Variants in VPS35L observed in about 807,000 individuals in gnomAD.
The protein encoded by VPS35L is VPS35 endosomal protein sorting factor like, also known as VPS35 endosomal protein-sorting factor-like.
Under a neutral mutation model 133.0 loss-of-function variants are expected in VPS35L, and 83 were observed. The ratio of observed to expected loss-of-function variants is 0.62; its 90% CI spans 0.52 to 0.75. The LOEUF is 0.75. Ranked by LOEUF, VPS35L falls within the 30% of genes least tolerant of loss-of-function variation. VPS35L has a pLI of 0.00. For missense variants in VPS35L, 1,083 were observed against 1,206.8 expected (o/e 0.90, Z 1.52); for synonymous variants, 423 against 449.9 (o/e 0.94, Z 0.76).
intron 9 of VPS35L, among the ~76,000 whole-genome samples, chr16:19,602,226 ATT>A (rs1342573320): frequency 1.3e-5 from 2 of 152,188 alleles, no homozygotes; most frequent in East Asian, 3.9e-4. Flanking sequence ...TGGATGATGA[ATT>A]TCTTTTGTCG....
intron 14 of VPS35L, 183 bp downstream of exon 14, chr16:19,616,991 C>T: frequency 1.2e-6 from 1 of 850,776 alleles, no homozygotes; most frequent in Non-Finnish European, 1.9e-6. Flanking sequence ...CTGAGATAGT[C>T]TCATTTTGAC....
At chr16:19,617,106 A>G in intron 14 of VPS35L, 1 of 587,858 alleles carries the variant, frequency 1.7e-6, no homozygotes, top group Non-Finnish European at 3.0e-6. Flanking sequence ...CTGTAATCCC[A>G]GCACTTTGCA....
chr16:19,642,271 C>T, intron 21 of VPS35L, 125 bp from the exon 22 acceptor site: 1 of 721,844 alleles, frequency 1.4e-6, no homozygotes, highest in Non-Finnish European at 2.3e-6. Context: ...GTAAACTGGG[C>T]TGGGTGAAAT....
chr16:19,611,099 A>G (rs958164055), intron 12 of VPS35L, among the ~76,000 whole-genome samples: 2 of 152,170 alleles, frequency 1.3e-5, no homozygotes, highest in Non-Finnish European at 2.9e-5. Context: ...GCCTGGGTTC[A>G]AATGATTCTC....
At chr16:19,571,847 CTT>C (rs35851684) in intron 3 of VPS35L, among the ~76,000 whole-genome samples, 14 of 144,474 alleles carry the variant, frequency 9.7e-5, no homozygotes, top group South Asian at 2.2e-4. Flanking sequence ...GCCCAGCCAA[CTT>C]TTTTTTTTTT....
At chr16:19,590,778 G>GTTAT (rs1972019682) in intron 7 of VPS35L, among the ~76,000 whole-genome samples, 2 of 151,824 alleles carry the variant, frequency 1.3e-5, no homozygotes, top group Non-Finnish European at 2.9e-5. Context: ...GTGAGAACCT[G>GTTAT]CCTCTACATA....
intron 3 of VPS35L, among the ~76,000 whole-genome samples, chr16:19,570,866 TATATATATATATATATATATATA>T (rs1567388574): frequency 1.2e-4 from 11 of 88,076 alleles, no homozygotes; most frequent in African/African-American, 2.9e-4. Context: ...TATATATATA[TATATATATATATATATATATATA>T]TTTTTGAGAT....
chr16:19,690,690 C>A (rs931551992), intron 28 of VPS35L, among the ~76,000 whole-genome samples: 2 of 152,182 alleles, frequency 1.3e-5, no homozygotes, highest in African/African-American at 4.8e-5. Context: ...GTGGCTCACA[C>A]CTGTAATCCC....
At position 19,594,644 on chromosome 16, in the gene VPS35L, CAAAAAAAAAAAAAA is replaced by C. The variant is rs57187565; in HGVS notation, c.724+2784_724+2797del. Among the ~76,000 whole-genome samples the C allele has an allele frequency of 2.7e-3, 86 of 31,496 alleles. 1 individual carries two copies. The highest frequency in any genetic ancestry group is 6.4e-3 in the South Asian group (3 of 466). The allele number at this position is 31,496 out of a possible 152,430, so 20.7% of individuals were successfully genotyped here. A position where few individuals can be genotyped will look rare whatever the true frequency, so the allele number is the denominator to read the frequency against. ...GTGCCACAGAGCTGAGATTTCGTCT[CAAAAAAAAAAAAAA>C]AAAAAAAAAAAAAGAAGAGAAAAAA... On this transcript the variant is annotated intron_variant, in intron 8 of 30. Coordinates refer to ENST00000417362, the MANE Select transcript of VPS35L (RefSeq NM_020314.7).
intron 1 of VPS35L, among the ~76,000 whole-genome samples, chr16:19,557,566 A>G (rs543290557): frequency 1.3e-5 from 2 of 152,080 alleles, no homozygotes; most frequent in East Asian, 3.9e-4. Flanking sequence ...TATTTTTAGT[A>G]GAGACGGTGT....
At chr16:19,624,646 A>C (rs1211029879) in intron 14 of VPS35L, among the ~76,000 whole-genome samples, 1 of 151,870 alleles carries the variant, frequency 6.6e-6, no homozygotes, top group African/African-American at 2.4e-5. Flanking sequence ...GGATCTCACT[A>C]TATTGCCCAG....
intron 21 of VPS35L, among the ~76,000 whole-genome samples, chr16:19,641,152 C>T (rs1448190322): frequency 6.6e-6 from 1 of 152,116 alleles, no homozygotes; most frequent in East Asian, 1.9e-4. Context: ...GCAGCCTTCA[C>T]CTCCTGGGTT....
At chr16:19,588,158 A>AGTATGTATGTATGTAT (rs71146263) in intron 7 of VPS35L, among the ~76,000 whole-genome samples, 4,516 of 147,524 alleles carry the variant, frequency 0.031, 198 homozygotes, top group African/African-American at 0.096. Flanking sequence ...GGGTAATATA[A>AGTATGTATGTATGTAT]GTATGTATGT....
chr16:19,692,400 T>G (rs1033280939), intron 29 of VPS35L, among the ~76,000 whole-genome samples: 1 of 152,092 alleles, frequency 6.6e-6, no homozygotes, highest in Non-Finnish European at 1.5e-5. Context: ...TTTATTTCCA[T>G]TGAATGGGGA....
intron 22 of VPS35L, among the ~76,000 whole-genome samples, chr16:19,644,281 G>A (rs1973872296): frequency 6.6e-6 from 1 of 152,224 alleles, no homozygotes; most frequent in African/African-American, 2.4e-5. Context: ...AAGATGGATT[G>A]ATGGATGGAG....
intron 2 of VPS35L, 110 bp downstream of exon 2, chr16:19,565,060 ATTTT>A: frequency 3.6e-6 from 2 of 562,930 alleles, no homozygotes; most frequent in Non-Finnish European, 2.9e-6. Context: ...TGCATATTTG[ATTTT>A]TTTTTTTTTT....
chr16:19,635,403 C>T (rs1393230330), intron 19 of VPS35L, among the ~76,000 whole-genome samples: 1 of 152,058 alleles, frequency 6.6e-6, no homozygotes, highest in Non-Finnish European at 1.5e-5. Context: ...CCAAAAACCC[C>T]ACATATATCA....
In VPS35L at chr16:19,699,373, C is replaced by A; in HGVS notation, c.2647-129C>A. 1.7e-6 allele frequency: 2 copies of A among 1,202,110 alleles called. No individual in the cohort carries two copies. The highest frequency in any genetic ancestry group is 1.5e-5 in the South Asian group (1 of 67,430). 74.5% of individuals were successfully genotyped at this position (1,202,110 alleles called of 1,614,324 possible). A position where few individuals can be genotyped will look rare whatever the true frequency, so the allele number is the denominator to read the frequency against. On this transcript the variant is annotated intron_variant, in intron 29 of 30. Transcript: ENST00000417362. The surrounding 1 kb of genome is among the most constrained non-coding windows in gnomAD (Gnocchi z 4.2). ...GGAGGTTCAGCAGCTTGCCCTACAG[C>A]AAATACATGGCAGAGCTGGCACTGG... is the stretch of plus-strand genomic sequence containing the variant.
chr16:19,597,515 G>T (rs1187916105), intron 8 of VPS35L, among the ~76,000 whole-genome samples: 1 of 152,184 alleles, frequency 6.6e-6, no homozygotes, highest in African/African-American at 2.4e-5. Flanking sequence ...AGGTGGATGG[G>T]ATGGGCCAGG....
Sources: allele counts gnomAD v4.1 joint callset (sites outside exome capture counted in the v4.1 genomes callset), GRCh38; gene constraint gnomAD v4.1.1; non-coding constraint Gnocchi (gnomAD v3.1); transcripts MANE v1.5; gene names NCBI Gene and HGNC (gene_info 2026-07-23, HGNC 2026-07-21).